Variants in DEFB4B observed in about 807,000 individuals in gnomAD.
DEFB4B encodes the protein defensin beta 4B, also known as beta-defensin 4B.
rs1563322637 is a variant in DEFB4B, at chr8:7,414,948, C to CT, written c.*12dup. 6.5e-7 allele frequency: 1 copy of CT among 1,528,636 alleles called. No homozygotes were observed. The highest frequency in any genetic ancestry group is 1.4e-5 in the African/African-American group (1 of 69,702). 94.7% of individuals were successfully genotyped at this position (1,528,636 alleles called of 1,614,324 possible). A position where few individuals can be genotyped will look rare whatever the true frequency, so the allele number is the denominator to read the frequency against. On this transcript the variant is annotated 3_prime_UTR_variant, in exon 2 of 2. Transcript: ENST00000318157. ...TCTGAATCCGCATCAGCCACAGCAG[C>CT]TTCTTGGCCTCCTCATGGCTTTTTG...
intron 1 of DEFB4B, among the ~76,000 whole-genome samples, chr8:7,416,540 G>GAGAA (rs1244693856): frequency 1.3e-5 from 2 of 151,024 alleles, no homozygotes; most frequent in Non-Finnish European, 2.9e-5. Context: ...AGAAAGGAAA[G>GAGAA]AGAAAGAAAG....
intron 1 of DEFB4B, among the ~76,000 whole-genome samples, chr8:7,415,757 C>T (rs1808821680): frequency 7.0e-6 from 1 of 142,978 alleles, no homozygotes; most frequent in East Asian, 2.0e-4. Flanking sequence ...GCCCGCCTCC[C>T]TGCCTCCCTG....
rs1563323213 is a variant in DEFB4B at position 7,415,709 on chromosome 8, C to CCCTCCT, written c.59-613_59-612insAGGAGG. Among the ~76,000 whole-genome samples the CCCTCCT allele has an allele frequency of 8.2e-3, 1,002 of 122,798 alleles. 3 individuals carry two copies. The highest frequency in any genetic ancestry group is 0.031 in the African/African-American group (938 of 30,550). The allele number at this position is 122,798 out of a possible 152,430, so 80.6% of individuals were successfully genotyped here. On this transcript the variant is annotated intron_variant, in intron 1 of 1. Transcript: ENST00000318157. ...TTTTTATCCCTCCCTCCCTCCCTCC[C>CCCTCCT]TCCCTCCCTCCCTCCTTCCCTCCCT...
rs1441230618 is a variant in DEFB4B, at chr8:7,415,832, G to T, written c.59-735C>A. Among the ~76,000 whole-genome samples, 12 of 148,520 alleles carry T rather than the reference G, an allele frequency of 8.1e-5. No homozygotes were observed. In the East Asian group the frequency reaches 2.2e-3, roughly 27 times the overall value. On this transcript the variant is annotated intron_variant, in intron 1 of 1. Coordinates refer to ENST00000318157, the MANE Select transcript of DEFB4B (RefSeq NM_001205266.2). ...GGTTTTGGAAAACATGAGGTCTCTGGTGCCTCTCAGAACCCCATTGTTCTC... is the reference window on the plus strand; with the variant it reads ...GGTTTTGGAAAACATGAGGTCTCTGTTGCCTCTCAGAACCCCATTGTTCTC...
At chr8:7,415,808 G>A (rs1808825331) in intron 1 of DEFB4B, among the ~76,000 whole-genome samples, 2 of 147,100 alleles carry the variant, frequency 1.4e-5, no homozygotes, top group Admixed American at 6.9e-5. Flanking sequence ...ACTGTTCTAG[G>A]TTTTGGAAAA....
At chr8:7,416,521 G>A (rs1427997470) in intron 1 of DEFB4B, among the ~76,000 whole-genome samples, 1 of 151,214 alleles carries the variant, frequency 6.6e-6, no homozygotes, top group African/African-American at 2.4e-5. Context: ...GTCTAAAAGT[G>A]TGGGTAGAAG....
At position 7,415,593 on chromosome 8, in the gene DEFB4B, T is replaced by C. The variant is rs186050766; in HGVS notation, c.59-496A>G. ...TAATAGGAAATTAACACCAAGTAACTTACAGTTGAAAACCACAATTAACCA... is the reference window on the plus strand; with the variant it reads ...TAATAGGAAATTAACACCAAGTAACCTACAGTTGAAAACCACAATTAACCA... On this transcript the variant is annotated intron_variant, in intron 1 of 1. Transcript: ENST00000318157. 2.1e-3 allele frequency among the ~76,000 whole-genome samples: 319 copies of C among 151,390 alleles called. 3 individuals are homozygous for C. The highest frequency in any genetic ancestry group is 7.4e-3 in the African/African-American group (302 of 40,976).
intron 1 of DEFB4B, among the ~76,000 whole-genome samples, chr8:7,415,377 A>G (rs190146745): frequency 4.2e-4 from 64 of 151,442 alleles, no homozygotes; most frequent in Admixed American, 1.2e-3. Context: ...TGGGGCCTCC[A>G]GGTGGGGTCT....
chr8:7,416,421 C>T (rs71511245), intron 1 of DEFB4B, among the ~76,000 whole-genome samples: 7,054 of 148,244 alleles, frequency 0.048, 123 homozygotes, highest in Middle Eastern at 0.1. Context: ...TTCATATTGG[C>T]TTAGAAGAAC....
At chr8:7,415,388 G>A (rs1410334408) in intron 1 of DEFB4B, among the ~76,000 whole-genome samples, 1 of 151,368 alleles carries the variant, frequency 6.6e-6, no homozygotes, top group Admixed American at 6.6e-5. Flanking sequence ...GGTGGGGTCT[G>A]GTAGGAGCTC....
In DEFB4B at chr8:7,416,431, C is replaced by G. The variant is rs191901865; in HGVS notation, c.58+339G>C. On this transcript the variant is annotated intron_variant, in intron 1 of 1. Coordinates refer to ENST00000318157, the MANE Select transcript of DEFB4B (RefSeq NM_001205266.2). ...GCTCCTTCATATTGGCTTAGAAGAA[C>G]GAGTGAGGTGTCCATTGGGTTCTCA... is the stretch of plus-strand genomic sequence containing the variant. Among the ~76,000 whole-genome samples, 33 of 151,746 alleles carry G rather than the reference C, an allele frequency of 2.2e-4. 1 individual carries two copies. The highest frequency in any genetic ancestry group is 3.8e-4 in the Non-Finnish European group (26 of 67,970).
chr8:7,416,518 AG>A (rs1478034909), intron 1 of DEFB4B, among the ~76,000 whole-genome samples: 3 of 151,180 alleles, frequency 2.0e-5, no homozygotes, highest in African/African-American at 7.3e-5. Flanking sequence ...TCAGTCTAAA[AG>A]TGTGGGTAGA....
chr8:7,415,596 C>G (rs867604197), intron 1 of DEFB4B, among the ~76,000 whole-genome samples: 5 of 151,372 alleles, frequency 3.3e-5, no homozygotes, highest in Admixed American at 6.6e-5. Flanking sequence ...AAGTAACTTA[C>G]AGTTGAAAAC....
Position 7,415,749 on chromosome 8 carries a change from C to CTG in DEFB4B, c.59-653_59-652insCA, listed in dbSNP as rs1808820476. Among the ~76,000 whole-genome samples the CTG allele has an allele frequency of 5.1e-5, 7 of 138,132 alleles. No homozygotes were observed. The South Asian group carries it at 1.4e-3, about 28-fold the overall frequency. The allele number at this position is 138,132 out of a possible 152,430, so 90.6% of individuals were successfully genotyped here. On this transcript the variant is annotated intron_variant, in intron 1 of 1. Transcript: ENST00000318157. ...CTTCCCTCCCTCCCTCCCCACCTGCCCGCCTCCCTGCCTCCCTGCCTCCCT... is the reference window on the plus strand; with the variant it reads ...CTTCCCTCCCTCCCTCCCCACCTGCCTGCGCCTCCCTGCCTCCCTGCCTCCCT...
At chr8:7,416,290 T>C (rs1808854693) in intron 1 of DEFB4B, among the ~76,000 whole-genome samples, 1 of 151,730 alleles carries the variant, frequency 6.6e-6, no homozygotes, top group African/African-American at 2.4e-5. Flanking sequence ...CTACTTTCTT[T>C]AGATAAAATC....
chr8:7,416,329 A>C (rs1808857241), intron 1 of DEFB4B, among the ~76,000 whole-genome samples: 1 of 151,752 alleles, frequency 6.6e-6, no homozygotes, highest in South Asian at 2.1e-4. Context: ...TTAAAAAGTC[A>C]CCTAACAGGT....
At chr8:7,415,912 T>C (rs1305749305) in intron 1 of DEFB4B, among the ~76,000 whole-genome samples, 5 of 147,994 alleles carry the variant, frequency 3.4e-5, no homozygotes, top group African/African-American at 1.2e-4. Context: ...CACAAGATGA[T>C]ATCTATTAGA....
intron 1 of DEFB4B, among the ~76,000 whole-genome samples, chr8:7,416,298 A>G (rs1280191242): frequency 1.3e-5 from 2 of 151,724 alleles, no homozygotes; most frequent in African/African-American, 2.4e-5. Context: ...TTTAGATAAA[A>G]TCAAAATTTC....
rs1808758768 is a variant in DEFB4B at position 7,414,904 on chromosome 8, C to G, written c.*57G>C. On this transcript the variant is annotated 3_prime_UTR_variant, in exon 2 of 2. Transcript: ENST00000318157. ...TTAATTTGGTTTACATGTCGCACGT[C>G]TCTGATGAGGGAGCCCTTTCTGAAT... The G allele has an allele frequency of 2.6e-6, 2 of 779,372 alleles. No individual in the cohort carries two copies. Among genetic ancestry groups the G allele is most frequent in the African/African-American group, 3.5e-5 (2 of 57,050 alleles). 48.3% of individuals were successfully genotyped at this position (779,372 alleles called of 1,614,324 possible).
Sources: allele counts gnomAD v4.1 joint callset (sites outside exome capture counted in the v4.1 genomes callset), GRCh38; gene constraint gnomAD v4.1.1; transcripts MANE v1.5; gene names NCBI Gene and HGNC (gene_info 2026-07-23, HGNC 2026-07-21).